Variants in BBS9 observed in about 807,000 individuals in gnomAD.
BBS9 encodes the protein Bardet-Biedl syndrome 9.
Under a neutral mutation model 117.7 loss-of-function variants are expected in BBS9, and 89 were observed. The observed-to-expected ratio is 0.76, with a 90% CI of 0.64 to 0.90. BBS9 has a LOEUF of 0.90. Ranked by LOEUF, BBS9 falls within the 40% of genes least tolerant of loss-of-function variation. The pLI is 0.00. For synonymous variants in BBS9, 379 were observed against 370.9 expected (o/e 1.02, Z -0.25); for missense variants, 982 against 1,042.2 (o/e 0.94, Z 0.80).
At chr7:33,480,340 A>T (rs1842363617) in intron 19 of BBS9, among the ~76,000 whole-genome samples, 1 of 152,208 alleles carries the variant, frequency 6.6e-6, no homozygotes, top group Non-Finnish European at 1.5e-5. Flanking sequence ...CAGAAGAAGG[A>T]TAAAGAGGGT....
chr7:33,362,696 A>T (rs1270245383), intron 16 of BBS9, among the ~76,000 whole-genome samples: 2 of 152,162 alleles, frequency 1.3e-5, no homozygotes, highest in Non-Finnish European at 2.9e-5. Context: ...CAGGTAGTAT[A>T]ATTTCTCCAA....
At chr7:33,431,449 A>G (rs912215009) in intron 19 of BBS9, among the ~76,000 whole-genome samples, 1 of 152,192 alleles carries the variant, frequency 6.6e-6, no homozygotes, top group Non-Finnish European at 1.5e-5. Flanking sequence ...ATATATTGAA[A>G]CTTAATGACC....
chr7:33,418,259 C>A (rs1832322265), intron 19 of BBS9, among the ~76,000 whole-genome samples: 1 of 152,180 alleles, frequency 6.6e-6, no homozygotes, highest in Admixed American at 6.5e-5. Flanking sequence ...GGTTGTGATA[C>A]TTCCGTTGAG....
chr7:33,266,254 C>G (rs1798799466), intron 7 of BBS9, among the ~76,000 whole-genome samples: 1 of 152,102 alleles, frequency 6.6e-6, no homozygotes, highest in South Asian at 2.1e-4. Context: ...TTTTGTTACA[C>G]GATAGTCACT....
At chr7:33,277,835 T>C (rs1801043141) in intron 9 of BBS9, among the ~76,000 whole-genome samples, 2 of 152,204 alleles carry the variant, frequency 1.3e-5, no homozygotes. Context: ...TGTTAGGTTC[T>C]ACAATAGTGA....
intron 5 of BBS9, among the ~76,000 whole-genome samples, chr7:33,253,564 A>G (rs1298436979): frequency 1.3e-5 from 2 of 152,216 alleles, no homozygotes; most frequent in Non-Finnish European, 2.9e-5. Context: ...GTGAGCCAAG[A>G]TCGTGCCACT....
intron 21 of BBS9, among the ~76,000 whole-genome samples, chr7:33,575,673 C>T (rs778541596): frequency 1.2e-4 from 19 of 152,236 alleles, no homozygotes; most frequent in East Asian, 3.9e-4. Flanking sequence ...TACTGGCAAA[C>T]GAAATCCAGC....
intron 21 of BBS9, among the ~76,000 whole-genome samples, chr7:33,616,979 G>A (rs1177418436): frequency 6.6e-6 from 1 of 151,690 alleles, no homozygotes; most frequent in Non-Finnish European, 1.5e-5. Context: ...TCTGTTTCTG[G>A]GTTATATCAC....
At chr7:33,579,427 T>G (rs1181200479) in intron 21 of BBS9, among the ~76,000 whole-genome samples, 1 of 152,206 alleles carries the variant, frequency 6.6e-6, no homozygotes, top group Non-Finnish European at 1.5e-5. Context: ...GAATTCATTT[T>G]CTAAATTGTT....
chr7:33,358,420 A>G (rs900225540), intron 16 of BBS9, among the ~76,000 whole-genome samples: 1 of 151,726 alleles, frequency 6.6e-6, no homozygotes. Context: ...TATGTCTCTG[A>G]AAAGTAATCT....
intron 5 of BBS9, among the ~76,000 whole-genome samples, chr7:33,229,500 G>A (rs757669501): frequency 1.3e-5 from 2 of 151,914 alleles, no homozygotes; most frequent in African/African-American, 2.4e-5. Flanking sequence ...ATTTTTTTCT[G>A]TGTCTGGCTT....
In BBS9 at chr7:33,340,161, A is replaced by G. The variant is rs111861642; in HGVS notation, c.1199-736A>G. On this transcript the variant is annotated intron_variant, in intron 10 of 22. Transcript: ENST00000242067. ...TGAAAGGTGAATCTTTGTTCAACCC[A>G]AGATCCTAGTTTCACTCCTTAAAGG... is the stretch of plus-strand genomic sequence containing the variant. 4.5e-4 allele frequency among the ~76,000 whole-genome samples: 68 copies of G among 152,224 alleles called. 3 individuals carry two copies. Among genetic ancestry groups the G allele is most frequent in the African/African-American group, 1.6e-3 (65 of 41,570 alleles).
At chr7:33,288,903 T>G (rs549143087) in intron 9 of BBS9, among the ~76,000 whole-genome samples, 5 of 152,296 alleles carry the variant, frequency 3.3e-5, no homozygotes, top group African/African-American at 9.6e-5. Flanking sequence ...AACTGAGGCA[T>G]AGAGAGATCA....
chr7:33,516,487 CAAAAAAAAAAAAA>C lies in BBS9; in HGVS notation c.2298+10854_2298+10866del, dbSNP rs61006845. On this transcript the variant is annotated intron_variant, in intron 20 of 22. Coordinates refer to ENST00000242067, the MANE Select transcript of BBS9 (RefSeq NM_198428.3). Reference sequence around the variant, plus strand: ...CTGGGCAGCAGAGCAATTTCATCTCCAAAAAAAAAAAAAAAAAAAAAAAAGAGTTGATGGAACA... The same window carrying C: ...CTGGGCAGCAGAGCAATTTCATCTCCAAAAAAAAAAAGAGTTGATGGAACA... 4.4e-3 allele frequency among the ~76,000 whole-genome samples: 229 copies of C among 51,534 alleles called. 1 individual carries two copies. Among genetic ancestry groups the C allele is most frequent in the Non-Finnish European group, 5.7e-3 (162 of 28,564 alleles). The allele number at this position is 51,534 out of a possible 152,430, so 33.8% of individuals were successfully genotyped here.
chr7:33,175,519 A>G (rs532433332), intron 4 of BBS9, among the ~76,000 whole-genome samples: 1 of 152,252 alleles, frequency 6.6e-6, no homozygotes, highest in South Asian at 2.1e-4. Context: ...CAACCACCAG[A>G]GGAGGTTCAG....
downstream of BBS9, among the ~76,000 whole-genome samples, chr7:33,607,838 A>G (rs1360015006): frequency 2.0e-5 from 3 of 151,526 alleles, no homozygotes; most frequent in Middle Eastern, 3.4e-3. Flanking sequence ...AATTTTTCTT[A>G]TGCAGTGATA....
chr7:33,240,803 C>A (rs955686546), intron 5 of BBS9, among the ~76,000 whole-genome samples: 1 of 151,928 alleles, frequency 6.6e-6, no homozygotes, highest in East Asian at 1.9e-4. Context: ...TTACGTTTTA[C>A]CTGTATTAGT....
intron 19 of BBS9, among the ~76,000 whole-genome samples, chr7:33,440,267 A>G (rs1835971554): frequency 6.6e-6 from 1 of 152,200 alleles, no homozygotes; most frequent in African/African-American, 2.4e-5. Flanking sequence ...TACAAATTTG[A>G]GATATTAGTG....
intron 11 of BBS9, among the ~76,000 whole-genome samples, chr7:33,341,532 A>G (rs892762116): frequency 6.6e-6 from 1 of 152,064 alleles, no homozygotes; most frequent in Non-Finnish European, 1.5e-5. Flanking sequence ...CAATTTTCTC[A>G]TCCACAAAAT....
Sources: gnomAD v4.1 joint callset for allele counts (sites outside exome capture counted in the v4.1 genomes callset) on GRCh38, gnomAD v4.1.1 for gene constraint, MANE v1.5 for transcripts, NCBI Gene and HGNC (gene_info 2026-07-23, HGNC 2026-07-21) for gene names.